Variants in DNAJC19 observed in about 807,000 individuals in gnomAD.
DNAJC19 encodes the protein mitochondrial import inner membrane translocase subunit TIM14.
A neutral mutation model predicts 19.8 loss-of-function variants in DNAJC19; 15 were observed. The ratio of observed to expected loss-of-function variants is 0.76; its 90% confidence interval spans 0.51 to 1.17. The LOEUF (loss-of-function observed/expected upper bound fraction) is 1.17. Among genes scored for constraint, DNAJC19 ranks in the 50% most tolerant of loss-of-function variants. The pLI, the probability that DNAJC19 is intolerant of heterozygous loss-of-function variation, is 0.00. For missense variants in DNAJC19, 105 were observed against 140.9 expected, an observed-to-expected ratio of 0.75 and a Z score of 1.29; for synonymous variants, 38 against 42.1, an observed-to-expected ratio of 0.90 and a Z score of 0.38.
At position 180,988,166 on chromosome 3, in the gene DNAJC19, C is replaced by T; in HGVS notation, c.55+12G>A. 1 of 1,614,130 alleles carries T rather than the reference C, an allele frequency of 6.2e-7. No individual in the cohort carries two copies. ...CCCCGACTTCACTTCCATCCCCAAA[C>T]CATAAACAAACCTGCAAATCCTGCA... On this transcript the variant is annotated intron_variant, in intron 2 of 5. Transcript: ENST00000382564.
rs746876076 is a variant in DNAJC19, at chr3:180,988,117, A to G, written c.56-21T>C. On this transcript the variant is annotated intron_variant, in intron 2 of 5. Transcript: ENST00000382564. ...ACGGCCTAAAACCAAAAGCAACAGA[A>G]TAAGTAAACTAAATCTCCAATCTCC... 4.8e-5 allele frequency: 77 copies of G among 1,614,072 alleles called. 4 individuals are homozygous for G. In the South Asian group the frequency reaches 8.3e-4, roughly 17 times the overall value.
rs1453559324 is a variant in DNAJC19, at chr3:180,983,988, A to G, written c.*652T>C. ...TGAGGCGGGAGGACTGCTTAAACCC[A>G]GGAGGTTGAGGCTGCAATGAACTGT... On this transcript the variant is annotated 3_prime_UTR_variant, in exon 6 of 6. Coordinates refer to ENST00000382564, the MANE Select transcript of DNAJC19 (RefSeq NM_145261.4). The G allele has an allele frequency of 4.4e-6, 2 of 453,822 alleles. No homozygotes were observed. Among genetic ancestry groups the G allele is most frequent in the African/African-American group, 4.0e-5 (2 of 49,986 alleles). The allele number at this position is 453,822 out of a possible 1,614,324, so 28.1% of individuals were successfully genotyped here.
At position 180,986,927 on chromosome 3, in the gene DNAJC19, T is replaced by C; in HGVS notation, c.209+16A>G. 6.2e-7 allele frequency: 1 copy of C among 1,603,612 alleles called. No homozygotes were observed. Among genetic ancestry groups the C allele is most frequent in the Non-Finnish European group, 8.5e-7 (1 of 1,170,780 alleles). On this transcript the variant is annotated intron_variant, in intron 4 of 5. Transcript: ENST00000382564. ...CAGTGGTAGAAAAATGCTAAAAATATTAGAGATTATTTTACCTTACACCTA... is the reference window on the plus strand; with the variant it reads ...CAGTGGTAGAAAAATGCTAAAAATACTAGAGATTATTTTACCTTACACCTA...
intron 1 of DNAJC19, 117 bp from the exon 2 acceptor site, chr3:180,988,346 T>A: frequency 9.0e-7 from 1 of 1,110,064 alleles, no homozygotes; most frequent in Non-Finnish European, 1.3e-6. Flanking sequence ...AAACAACTTT[T>A]TTTTTTCTTT....
At chr3:180,988,130 A>G (rs1288195189) in intron 2 of DNAJC19, 34 bp from the exon 3 acceptor site, 2 of 1,614,024 alleles carry the variant, frequency 1.2e-6, no homozygotes, top group Non-Finnish European at 1.7e-6. Context: ...AGTAAACTAA[A>G]TCTCCAATCT....
Position 180,989,652 on chromosome 3 carries a change from C to G in DNAJC19, c.-50G>C, listed in dbSNP as rs1303910159. The G allele has an allele frequency of 1.9e-6, 3 of 1,574,986 alleles. No individual in the cohort carries two copies. The highest frequency in any genetic ancestry group is 2.6e-6 in the Non-Finnish European group (3 of 1,160,812). ...CCACCGGGAGCACGGCTCATCCCAG[C>G]TCAGAGGCCGCGGCCAACACCTGCA... On this transcript the variant is annotated 5_prime_UTR_variant, in exon 1 of 6. Coordinates refer to ENST00000382564, the MANE Select transcript of DNAJC19 (RefSeq NM_145261.4).
chr3:180,985,745 G>A, intron 5 of DNAJC19, 181 bp downstream of exon 5: 1 of 612,030 alleles, frequency 1.6e-6, no homozygotes, highest in South Asian at 2.0e-5. Flanking sequence ...TGCTCATTCT[G>A]TAAGTAAAGT....
At chr3:180,987,580 G>C in intron 3 of DNAJC19, 2 of 282,780 alleles carry the variant, frequency 7.1e-6, no homozygotes, top group Non-Finnish European at 6.8e-6. Context: ...ACCACAGAGA[G>C]TATGACCATA....
In DNAJC19 at chr3:180,989,626, T is replaced by A; in HGVS notation, c.-24A>T. On this transcript the variant is annotated 5_prime_UTR_variant, in exon 1 of 6. Coordinates refer to ENST00000382564, the MANE Select transcript of DNAJC19 (RefSeq NM_145261.4). ...ATGGCTCCGGCTGGGCTCCCTTGCT[T>A]CCACCGGGAGCACGGCTCATCCCAG... The A allele has an allele frequency of 6.3e-7, 1 of 1,586,258 alleles. No individual in the cohort carries two copies. The highest frequency in any genetic ancestry group is 8.6e-7 in the Non-Finnish European group (1 of 1,167,020).
Position 180,984,088 on chromosome 3 carries a change from A to G in DNAJC19, c.*552T>C, listed in dbSNP as rs1271171338. On this transcript the variant is annotated 3_prime_UTR_variant, in exon 6 of 6. Coordinates refer to ENST00000382564, the MANE Select transcript of DNAJC19 (RefSeq NM_145261.4). ...CATGAAATAAAAATGGTTTATATGT[A>G]CATAGAATACACACACACACACACC... The G allele has an allele frequency of 4.4e-6, 2 of 453,982 alleles. No individual in the cohort carries two copies. The highest frequency in any genetic ancestry group is 8.8e-6 in the Non-Finnish European group (2 of 226,750). The allele number at this position is 453,982 out of a possible 1,614,324, so 28.1% of individuals were successfully genotyped here. A position where few individuals can be genotyped will look rare whatever the true frequency, so the allele number is the denominator to read the frequency against.
At chr3:180,989,747 G>C, upstream of DNAJC19, 2 of 1,354,464 alleles carry the variant, frequency 1.5e-6, no homozygotes, top group Non-Finnish European at 2.0e-6. Context: ...GGCAGGAGCA[G>C]CCGCAAACTA....
At chr3:180,988,656 T>C (rs937777836) in intron 1 of DNAJC19, among the ~76,000 whole-genome samples, 12 of 152,088 alleles carry the variant, frequency 7.9e-5, no homozygotes, top group African/African-American at 2.7e-4. Context: ...TCCCTCCCTT[T>C]GAAAACTTCT....
intron 4 of DNAJC19, 49 bp downstream of exon 4, chr3:180,986,894 T>C: frequency 6.8e-7 from 1 of 1,477,842 alleles, no homozygotes; most frequent in Non-Finnish European, 9.5e-7. Flanking sequence ...TATTTCCTCA[T>C]GGCTCTACAG....
chr3:180,984,734 C>T lies in DNAJC19; in HGVS notation c.281-24G>A, dbSNP rs150673364. 2.1e-5 allele frequency: 32 copies of T among 1,534,612 alleles called. No homozygotes were observed. The East Asian group carries it at 7.0e-4, about 34-fold the overall frequency. On this transcript the variant is annotated intron_variant, in intron 5 of 5. Transcript: ENST00000382564. ...TCCTATAGGAAGAAAGAAAAAAGAA[C>T]AGTTACAATATGGATTCTCAATTTC...
At chr3:180,988,707 A>G (rs893509209) in intron 1 of DNAJC19, among the ~76,000 whole-genome samples, 17 of 152,010 alleles carry the variant, frequency 1.1e-4, no homozygotes, top group East Asian at 5.8e-4. Flanking sequence ...AGTTCAATCA[A>G]AAGTAGTGGA....
intron 5 of DNAJC19, 117 bp from the exon 6 acceptor site, chr3:180,984,827 AGT>A (rs1159686883): frequency 7.0e-6 from 5 of 717,042 alleles, no homozygotes; most frequent in Non-Finnish European, 1.2e-5. Flanking sequence ...TAGCAGAAAC[AGT>A]GTTTTAATTT....
chr3:180,988,356 T>TC lies in DNAJC19; in HGVS notation c.4-128_4-127insG, dbSNP rs766807321. The TC allele has an allele frequency of 0.017, 12,941 of 765,562 alleles. 66 individuals are homozygous for TC. Among genetic ancestry groups the TC allele is most frequent in the Non-Finnish European group, 0.02 (10,511 of 524,008 alleles). 47.4% of individuals were successfully genotyped at this position (765,562 alleles called of 1,614,324 possible). Reference sequence around the variant, plus strand: ...AGGAGAAACAACTTTTTTTTTTCTTTTTTTTTTTTTTTTTTTAAGAGACGG... The same window carrying TC: ...AGGAGAAACAACTTTTTTTTTTCTTTCTTTTTTTTTTTTTTTTAAGAGACGG... On this transcript the variant is annotated intron_variant, in intron 1 of 5. Transcript: ENST00000382564.
intron 3 of DNAJC19, chr3:180,987,539 G>T: frequency 3.9e-6 from 1 of 253,184 alleles, no homozygotes. Context: ...TATTCAACAG[G>T]TGATCACAGC....
intron 5 of DNAJC19, 156 bp downstream of exon 5, chr3:180,985,765 ATTTCT>A (rs1205988906): frequency 3.1e-6 from 2 of 650,588 alleles, no homozygotes; most frequent in Non-Finnish European, 5.4e-6. Context: ...TTTTCACTTA[ATTTCT>A]TTTAAGACAC....
Sources: allele counts gnomAD v4.1 joint callset (sites outside exome capture counted in the v4.1 genomes callset), GRCh38; gene constraint gnomAD v4.1.1; transcripts MANE v1.5; gene names NCBI Gene and HGNC (gene_info 2026-07-23, HGNC 2026-07-21).